Variants in PLEKHA5 observed in about 807,000 individuals in gnomAD.
The protein encoded by PLEKHA5 is pleckstrin homology domain containing A5.
A neutral mutation model predicts 181.9 loss-of-function variants in PLEKHA5; 55 were observed. The observed-to-expected ratio is 0.30, with a 90% CI of 0.24 to 0.38. The LOEUF is 0.38. PLEKHA5 is among the 10% of genes least tolerant of loss of function. The pLI is 1.00. For missense variants in PLEKHA5, 1,432 were observed against 1,549.5 expected (o/e 0.92, Z 1.27); for synonymous variants, 535 against 529.4 (o/e 1.01, Z -0.15).
intron 3 of PLEKHA5, among the ~76,000 whole-genome samples, chr12:19,169,255 T>G (rs1448599194): frequency 1.3e-5 from 2 of 150,686 alleles, no homozygotes; most frequent in Middle Eastern, 3.2e-3. Context: ...ATTTAAAGGT[T>G]GTCAAGTTAA....
intron 15 of PLEKHA5, chr12:19,307,670 CA>C: frequency 3.0e-6 from 1 of 328,848 alleles, no homozygotes; most frequent in Admixed American, 3.5e-5. Context: ...GTTGATGATT[CA>C]AAAGCCCAAG....
intron 3 of PLEKHA5, among the ~76,000 whole-genome samples, chr12:19,148,836 A>C (rs2039621946): frequency 6.6e-6 from 1 of 152,202 alleles, no homozygotes; most frequent in South Asian, 2.1e-4. Context: ...TGTTAACAGA[A>C]TAATCTCAGG....
At chr12:19,337,767 A>G (rs954694756) in intron 21 of PLEKHA5, among the ~76,000 whole-genome samples, 1 of 152,094 alleles carries the variant, frequency 6.6e-6, no homozygotes, top group Non-Finnish European at 1.5e-5. Context: ...CCTGACCAAC[A>G]TGGGGAAACC....
chr12:19,292,676 C>A (rs151087273), intron 15 of PLEKHA5, among the ~76,000 whole-genome samples: 1 of 151,062 alleles, frequency 6.6e-6, no homozygotes, highest in Admixed American at 6.6e-5. Context: ...TGGTGGCTCC[C>A]GCCTGTAATC....
chr12:19,201,778 A>T (rs1592046536), intron 3 of PLEKHA5: 1 of 152,180 alleles, frequency 6.6e-6, no homozygotes, highest in East Asian at 1.9e-4. Flanking sequence ...AGACAAAACA[A>T]ATCAGTGGTT....
chr12:19,212,042 G>T (rs2057018947), intron 3 of PLEKHA5, among the ~76,000 whole-genome samples: 2 of 152,138 alleles, frequency 1.3e-5, no homozygotes, highest in African/African-American at 4.8e-5. Flanking sequence ...GCCTAGTGCA[G>T]GAGCTCAGTC....
rs1215067472 is a variant in PLEKHA5 at position 19,238,818 on chromosome 12, A to AG, written c.228-15122_228-15121insG. Among the ~76,000 whole-genome samples the AG allele has an allele frequency of 2.0e-3, 304 of 149,960 alleles. 2 individuals carry two copies. The highest frequency in any genetic ancestry group is 3.0e-3 in the Non-Finnish European group (203 of 67,334). On this transcript the variant is annotated intron_variant, in intron 3 of 31. Transcript: ENST00000429027. ...TCTGGCCAAAAAAAAAAAAAAAAAA[A>AG]AAGGAAGAGGGCAATGAGCAGAGCT...
chr12:19,213,040 C>A (rs1056884476), intron 3 of PLEKHA5, among the ~76,000 whole-genome samples: 20 of 151,878 alleles, frequency 1.3e-4, no homozygotes, highest in African/African-American at 4.8e-4. Flanking sequence ...ATAAGAATAT[C>A]ATTTATGTCA....
chr12:19,323,438 G>T (rs1166554563), intron 20 of PLEKHA5, among the ~76,000 whole-genome samples: 1 of 152,110 alleles, frequency 6.6e-6, no homozygotes, highest in East Asian at 1.9e-4. Context: ...GGGAGGCAGA[G>T]GTTGCAGTGA....
chr12:19,306,413 G>A, intron 15 of PLEKHA5: 2 of 549,120 alleles, frequency 3.6e-6, no homozygotes, highest in Non-Finnish European at 7.0e-6. Context: ...GTAGAGAAAA[G>A]GTGGCGACGG....
chr12:19,203,847 A>ATT (rs34168316), intron 3 of PLEKHA5, among the ~76,000 whole-genome samples: 1 of 151,796 alleles, frequency 6.6e-6, no homozygotes, highest in African/African-American at 2.4e-5. Context: ...TCACAGTTAG[A>ATT]TTTTTTATTT....
At chr12:19,142,508 T>C (rs2151148806) in intron 3 of PLEKHA5, among the ~76,000 whole-genome samples, 1 of 152,328 alleles carries the variant, frequency 6.6e-6, no homozygotes, top group African/African-American at 2.4e-5. Flanking sequence ...GTAAAATTAG[T>C]GTGAATTTTT....
chr12:19,332,131 G>A (rs910911413), intron 20 of PLEKHA5, among the ~76,000 whole-genome samples: 1 of 152,060 alleles, frequency 6.6e-6, no homozygotes, highest in Middle Eastern at 3.4e-3. Context: ...AAAATTATCT[G>A]GACATGGTGG....
intron 16 of PLEKHA5, among the ~76,000 whole-genome samples, chr12:19,319,048 C>G (rs1178483267): frequency 6.6e-6 from 1 of 152,028 alleles, no homozygotes; most frequent in East Asian, 1.9e-4. Flanking sequence ...ATAGATCTAC[C>G]TATTTAAAAC....
chr12:19,129,971 G>C lies in PLEKHA5; in HGVS notation c.90-80G>C, dbSNP rs912225004. ...GCTGGCGACACGGGGGAGAGCCCGG[G>C]TCTGTGCTCCTGCAGCCCCTCGGCT... On this transcript the variant is annotated intron_variant, in intron 1 of 31. Transcript: ENST00000429027. The C allele has an allele frequency of 1.0e-5, 15 of 1,464,578 alleles. No individual in the cohort carries two copies. In the South Asian group the frequency reaches 1.5e-4, roughly 14 times the overall value. 90.7% of individuals were successfully genotyped at this position (1,464,578 alleles called of 1,614,324 possible).
At chr12:19,140,855 C>G (rs2151113267) in intron 3 of PLEKHA5, among the ~76,000 whole-genome samples, 1 of 152,324 alleles carries the variant, frequency 6.6e-6, no homozygotes, top group East Asian at 1.9e-4. Flanking sequence ...GTGACTCAGT[C>G]TCGGTTCACT....
At chr12:19,263,032 A>G (rs1280612662) in intron 7 of PLEKHA5, among the ~76,000 whole-genome samples, 1 of 152,234 alleles carries the variant, frequency 6.6e-6, no homozygotes, top group Non-Finnish European at 1.5e-5. Context: ...GAGAAATATC[A>G]TTTAACTCAT....
intron 3 of PLEKHA5, among the ~76,000 whole-genome samples, chr12:19,141,939 T>C (rs2037467338): frequency 6.6e-6 from 1 of 152,214 alleles, no homozygotes; most frequent in Non-Finnish European, 1.5e-5. Context: ...GTGGTTTTTG[T>C]TCCCTATCCC....
At chr12:19,338,516 A>C (rs2093631505) in intron 21 of PLEKHA5, among the ~76,000 whole-genome samples, 1 of 152,026 alleles carries the variant, frequency 6.6e-6, no homozygotes, top group Non-Finnish European at 1.5e-5. Context: ...CTGAGGCAGG[A>C]GAATCGCATG....
Sources: gnomAD v4.1 joint callset for allele counts (sites outside exome capture counted in the v4.1 genomes callset) on GRCh38, gnomAD v4.1.1 for gene constraint, MANE v1.5 for transcripts, NCBI Gene and HGNC (gene_info 2026-07-23, HGNC 2026-07-21) for gene names.